Variants in FOXP2 observed in about 807,000 individuals in gnomAD.
The protein encoded by FOXP2 is forkhead box P2.
A neutral mutation model predicts 115.8 loss-of-function variants in FOXP2; 12 were observed. That is an observed-to-expected ratio of 0.10 (90% CI 0.07 to 0.17). FOXP2 has a LOEUF of 0.17. FOXP2 is among the 10% of genes least tolerant of loss of function. FOXP2 has a pLI of 1.00. For synonymous variants in FOXP2, 328 were observed against 297.7 expected (o/e 1.10, Z -1.05); for missense variants, 629 against 843.5 (o/e 0.75, Z 3.15).
intron 2 of FOXP2, among the ~76,000 whole-genome samples, chr7:114,360,072 G>A (rs868446959): frequency 2.0e-5 from 3 of 152,068 alleles, no homozygotes; most frequent in South Asian, 2.1e-4. Flanking sequence ...GGAGGGATGC[G>A]GTGGGAGGTA....
chr7:114,160,782 C>CTGTGTGTGTG (rs34540150), upstream of FOXP2, among the ~76,000 whole-genome samples: 3,255 of 147,330 alleles, frequency 0.022, 95 homozygotes, highest in African/African-American at 0.069. Flanking sequence ...AGTATATTTT[C>CTGTGTGTGTG]TGTGTGTGTG....
intron 1 of FOXP2, among the ~76,000 whole-genome samples, chr7:114,164,871 G>A (rs930882590): frequency 1.4e-4 from 21 of 152,036 alleles, no homozygotes; most frequent in African/African-American, 5.1e-4. Context: ...GTGACCCTCT[G>A]CTCTACAGAA....
At chr7:114,179,632 C>A (rs1302998710) in intron 1 of FOXP2, among the ~76,000 whole-genome samples, 2 of 151,948 alleles carry the variant, frequency 1.3e-5, no homozygotes, top group Non-Finnish European at 2.9e-5. Context: ...TAAATGCAAT[C>A]TTTTGGAAGA....
chr7:114,284,538 T>C (rs1297615037), intron 1 of FOXP2, among the ~76,000 whole-genome samples: 2 of 152,152 alleles, frequency 1.3e-5, no homozygotes, highest in Non-Finnish European at 2.9e-5. Context: ...GAACATTTGG[T>C]TCTGATTATT....
intron 2 of FOXP2, among the ~76,000 whole-genome samples, chr7:114,384,385 T>G (rs898728416): frequency 7.2e-5 from 11 of 152,160 alleles, no homozygotes; most frequent in Non-Finnish European, 1.0e-4. Flanking sequence ...ATTGAGATAG[T>G]CTTTTGATTC....
intron 16 of FOXP2, among the ~76,000 whole-genome samples, chr7:114,681,386 A>G (rs1808074245): frequency 1.3e-5 from 2 of 152,142 alleles, no homozygotes; most frequent in Admixed American, 6.6e-5. Context: ...CATTTTCATT[A>G]TTTAGTCATA....
chr7:114,567,360 A>G (rs1197541685), intron 3 of FOXP2, among the ~76,000 whole-genome samples: 1 of 152,056 alleles, frequency 6.6e-6, no homozygotes, highest in Non-Finnish European at 1.5e-5. Context: ...AGGACAGGAG[A>G]AGCTAAGTAT....
intron 6 of FOXP2, among the ~76,000 whole-genome samples, chr7:114,639,373 GC>G (rs1297209272): frequency 6.6e-6 from 1 of 152,186 alleles, no homozygotes; most frequent in African/African-American, 2.4e-5. Context: ...TTGAGCACAT[GC>G]CACGCACTGT....
intron 3 of FOXP2, among the ~76,000 whole-genome samples, chr7:114,551,280 A>G (rs1800193249): frequency 6.6e-6 from 1 of 152,190 alleles, no homozygotes; most frequent in African/African-American, 2.4e-5. Context: ...GACACCAGGT[A>G]CCATAGGGGA....
intron 1 of FOXP2, chr7:114,419,918 A>G (rs1347853232): frequency 1.3e-5 from 2 of 151,976 alleles, no homozygotes; most frequent in African/African-American, 4.8e-5. Flanking sequence ...CGTACCGCCT[A>G]TGCTGTGGGT....
chr7:114,374,683 TC>T (rs1002542173), intron 2 of FOXP2, among the ~76,000 whole-genome samples: 2 of 152,166 alleles, frequency 1.3e-5, no homozygotes, highest in Admixed American at 6.5e-5. Context: ...CTATTGTTTA[TC>T]CCCCCCTACT....
intron 1 of FOXP2, among the ~76,000 whole-genome samples, chr7:114,204,134 A>G (rs1281248856): frequency 2.6e-5 from 4 of 152,202 alleles, no homozygotes; most frequent in East Asian, 3.8e-4. Flanking sequence ...CGATAAAAGT[A>G]TATACAAGCC....
chr7:114,463,955 A>AT (rs199920225), intron 2 of FOXP2, among the ~76,000 whole-genome samples: 26 of 151,904 alleles, frequency 1.7e-4, no homozygotes, highest in Non-Finnish European at 3.4e-4. Flanking sequence ...TTGACTATAT[A>AT]TTTTTTTTTA....
intron 6 of FOXP2, among the ~76,000 whole-genome samples, chr7:114,638,032 G>A (rs1408485110): frequency 6.6e-6 from 1 of 152,084 alleles, no homozygotes; most frequent in African/African-American, 2.4e-5. Context: ...ACTCTAAAGA[G>A]GACTGAGTTG....
At chr7:114,311,351 T>C (rs1478004392) in intron 2 of FOXP2, among the ~76,000 whole-genome samples, 1 of 152,116 alleles carries the variant, frequency 6.6e-6, no homozygotes, top group Non-Finnish European at 1.5e-5. Flanking sequence ...AAAGGGGCAG[T>C]GGTGATGGTT....
chr7:114,342,238 T>G (rs1400151592), intron 2 of FOXP2, among the ~76,000 whole-genome samples: 2 of 151,358 alleles, frequency 1.3e-5, no homozygotes, highest in Non-Finnish European at 3.0e-5. Context: ...TTCAGTGGTT[T>G]TAAATGTAAA....
At chr7:114,286,025 TG>T (rs1480213899) in intron 1 of FOXP2, among the ~76,000 whole-genome samples, 3 of 151,970 alleles carry the variant, frequency 2.0e-5, no homozygotes, top group Non-Finnish European at 4.4e-5. Flanking sequence ...CAAAAATATT[TG>T]CCTAATTTTT....
At chr7:114,323,111 A>AT (rs778027182) in intron 2 of FOXP2, among the ~76,000 whole-genome samples, 58 of 152,230 alleles carry the variant, frequency 3.8e-4, no homozygotes, top group Non-Finnish European at 4.0e-4. Flanking sequence ...TATGTATGTG[A>AT]TTTTTTGACA....
chr7:114,334,427 T>C (rs1797790125), intron 2 of FOXP2, among the ~76,000 whole-genome samples: 1 of 152,054 alleles, frequency 6.6e-6, no homozygotes, highest in African/African-American at 2.4e-5. Context: ...GAGAGAATGA[T>C]AAATAGAGCA....
Sources: gnomAD v4.1 joint callset for allele counts (sites outside exome capture counted in the v4.1 genomes callset) on GRCh38, gnomAD v4.1.1 for gene constraint, MANE v1.5 for transcripts, NCBI Gene and HGNC (gene_info 2026-07-23, HGNC 2026-07-21) for gene names.